Variants in TBCA observed in about 807,000 individuals in gnomAD.
The protein encoded by TBCA is tubulin-specific chaperone A.
A neutral mutation model predicts 15.8 loss-of-function variants in TBCA; 6 were observed. The ratio of observed to expected loss-of-function variants is 0.38; its 90% confidence interval spans 0.21 to 0.75. The LOEUF is 0.75. TBCA is among the 30% of genes least tolerant of loss of function. TBCA has a pLI of 0.46. For synonymous variants in TBCA, 32 were observed against 42.3 expected (o/e 0.76, Z 0.94); for missense variants, 90 against 131.2 (o/e 0.69, Z 1.53).
chr5:77,755,796 G>A (rs1249519195), intron 1 of TBCA, among the ~76,000 whole-genome samples: 1 of 151,876 alleles, frequency 6.6e-6, no homozygotes, highest in Non-Finnish European at 1.5e-5. Context: ...CCTGAAGTTC[G>A]GAATTTGAGA....
Position 77,709,924 on chromosome 5 carries a change from G to GATTTTATTACA in TBCA, c.54-1588_54-1578dup, listed in dbSNP as rs369953340. On this transcript the variant is annotated intron_variant, in intron 1 of 3. Transcript: ENST00000380377. ...TGACATAAAAGGCTACATATTGTATGATTTTATTACAGGACATATCCAGAA... is the reference window on the plus strand; with the variant it reads ...TGACATAAAAGGCTACATATTGTATGATTTTATTACAATTTTATTACAGGACATATCCAGAA... Among the ~76,000 whole-genome samples, 391 of 152,280 alleles carry GATTTTATTACA rather than the reference G, an allele frequency of 2.6e-3. 4 individuals are homozygous for GATTTTATTACA. Among genetic ancestry groups the GATTTTATTACA allele is most frequent in the African/African-American group, 8.8e-3 (366 of 41,572 alleles).
At chr5:77,707,184 C>A (rs1226460069) in intron 2 of TBCA, among the ~76,000 whole-genome samples, 1 of 152,008 alleles carries the variant, frequency 6.6e-6, no homozygotes, top group Admixed American at 6.6e-5. Context: ...GGCACATAGT[C>A]CACTCTTACA....
intron 1 of TBCA, among the ~76,000 whole-genome samples, chr5:77,749,911 G>A (rs1747277486): frequency 6.6e-6 from 1 of 152,080 alleles, no homozygotes; most frequent in African/African-American, 2.4e-5. Context: ...ATGTTCTAAT[G>A]TTAAATGCAA....
chr5:77,711,143 A>G, intron 1 of TBCA, among the ~76,000 whole-genome samples: 1 of 152,210 alleles, frequency 6.6e-6, no homozygotes, highest in East Asian at 1.9e-4. Flanking sequence ...AAAATTTTTT[A>G]AAAGATTTGT....
intron 1 of TBCA, among the ~76,000 whole-genome samples, chr5:77,724,888 C>A (rs564860416): frequency 2.0e-4 from 31 of 152,226 alleles, no homozygotes; most frequent in African/African-American, 7.2e-4. Flanking sequence ...TTAGGAAATA[C>A]ACTATTCTGA....
rs933487057 is a variant in TBCA, at chr5:77,776,186, G to A, written c.53+19C>T. The A allele has an allele frequency of 1.0e-5, 16 of 1,555,420 alleles. No homozygotes were observed. Among genetic ancestry groups the A allele is most frequent in the African/African-American group, 1.4e-5 (1 of 73,212 alleles). On this transcript the variant is annotated intron_variant, in intron 1 of 3. Coordinates refer to ENST00000380377, the MANE Select transcript of TBCA (RefSeq NM_004607.3). ...AGGTGACGAAGAGGAGGTGCAGGGC[G>A]CCGCTCCCGGCTCCTTACCGCTTCA...
intron 1 of TBCA, among the ~76,000 whole-genome samples, chr5:77,774,822 T>C (rs1747983864): frequency 6.6e-6 from 1 of 152,088 alleles, no homozygotes; most frequent in African/African-American, 2.4e-5. Context: ...TTACAGGAAT[T>C]TAAGCAAATT....
chr5:77,726,962 G>A (rs1746642154), intron 1 of TBCA, among the ~76,000 whole-genome samples: 2 of 152,072 alleles, frequency 1.3e-5, no homozygotes, highest in African/African-American at 4.8e-5. Flanking sequence ...TGTTAGCCCA[G>A]ATGTTGAATA....
chr5:77,764,617 A>G (rs191285721), intron 1 of TBCA, among the ~76,000 whole-genome samples: 39 of 152,370 alleles, frequency 2.6e-4, no homozygotes, highest in African/African-American at 8.9e-4. Flanking sequence ...AAGCAAGTAT[A>G]TATTTGGGGA....
intron 1 of TBCA, among the ~76,000 whole-genome samples, chr5:77,734,691 A>G (rs1275255185): frequency 6.6e-6 from 1 of 152,246 alleles, no homozygotes; most frequent in East Asian, 1.9e-4. Flanking sequence ...TAGTTGATGA[A>G]GCGGTAGAAG....
chr5:77,693,412 A>G (rs150491086), intron 2 of TBCA, 60 bp from the exon 3 acceptor site: 32,057 of 1,553,892 alleles, frequency 0.021, 391 homozygotes, highest in Non-Finnish European at 0.025. Context: ...TGTTTAGCTC[A>G]TATCTTGGTA....
chr5:77,709,512 T>A (rs1367021396), intron 1 of TBCA, among the ~76,000 whole-genome samples: 1 of 152,160 alleles, frequency 6.6e-6, no homozygotes, highest in Admixed American at 6.5e-5. Flanking sequence ...GTAATAAAAA[T>A]AGCTTTCTCC....
At chr5:77,719,157 C>T (rs1183165798) in intron 1 of TBCA, among the ~76,000 whole-genome samples, 1 of 152,180 alleles carries the variant, frequency 6.6e-6, no homozygotes, top group East Asian at 1.9e-4. Context: ...TCGTCAGCCT[C>T]ATTTTCAAAT....
chr5:77,763,972 C>G (rs1747714242), intron 1 of TBCA, among the ~76,000 whole-genome samples: 1 of 152,082 alleles, frequency 6.6e-6, no homozygotes, highest in Non-Finnish European at 1.5e-5. Flanking sequence ...GTGAAACAAT[C>G]CAAATGCTCA....
Position 77,776,310 on chromosome 5 carries a change from G to T in TBCA, c.-53C>A. ...GGCGGAGAGCCGGGGTAACCGTGGA[G>T]GGCGACGCGCAGAGGCTGCGGCTAT... is the stretch of plus-strand genomic sequence containing the variant. On this transcript the variant is annotated 5_prime_UTR_variant, in exon 1 of 4. Transcript: ENST00000380377. 2 of 1,551,674 alleles carry T rather than the reference G, an allele frequency of 1.3e-6. No individual in the cohort carries two copies. Among genetic ancestry groups the T allele is most frequent in the Middle Eastern group, 2.3e-4 (1 of 4,364 alleles).
intron 1 of TBCA, among the ~76,000 whole-genome samples, chr5:77,773,495 G>A (rs1747956753): frequency 6.6e-6 from 1 of 152,056 alleles, no homozygotes; most frequent in South Asian, 2.1e-4. Flanking sequence ...GCTTGAGTTG[G>A]GTGCTTGCTC....
At chr5:77,738,691 T>G (rs1746966035) in intron 1 of TBCA, among the ~76,000 whole-genome samples, 1 of 152,216 alleles carries the variant, frequency 6.6e-6, no homozygotes, top group South Asian at 2.1e-4. Flanking sequence ...CAAGAAATTC[T>G]CATGCCTTAG....
At chr5:77,724,288 T>C (rs2112459762) in intron 1 of TBCA, among the ~76,000 whole-genome samples, 1 of 152,208 alleles carries the variant, frequency 6.6e-6, no homozygotes, top group South Asian at 2.1e-4. Context: ...TCCAAAGAGA[T>C]ATAATAATAA....
chr5:77,726,710 A>G (rs934632651), intron 1 of TBCA, among the ~76,000 whole-genome samples: 5 of 152,190 alleles, frequency 3.3e-5, no homozygotes, highest in Non-Finnish European at 5.9e-5. Flanking sequence ...TCACTCATTC[A>G]CTAAAGGAGA....
Sources: allele counts gnomAD v4.1 joint callset (sites outside exome capture counted in the v4.1 genomes callset), GRCh38; gene constraint gnomAD v4.1.1; transcripts MANE v1.5; gene names NCBI Gene and HGNC (gene_info 2026-07-23, HGNC 2026-07-21).